The following GABRB3 variants were observed in gnomAD, a reference collection of about 807,000 sequenced individuals.
GABRB3 encodes the protein gamma-aminobutyric acid receptor subunit beta-3.
A neutral mutation model predicts 52.1 loss-of-function variants in GABRB3; 14 were observed. The observed-to-expected ratio is 0.27, with a 90% CI of 0.18 to 0.42. The LOEUF (loss-of-function observed/expected upper bound fraction) is 0.42, where lower values mean the gene tolerates loss of function less well. Among genes scored for constraint, GABRB3 ranks in the 10% least tolerant of loss-of-function variants. GABRB3 has a pLI of 1.00. For missense variants in GABRB3, 307 were observed against 609.1 expected (o/e 0.50, Z 5.22); for synonymous variants, 260 against 232.3 (o/e 1.12, Z -1.08).
At chr15:26,576,850 T>C in intron 6 of GABRB3, among the ~76,000 whole-genome samples, 1 of 152,096 alleles carries the variant, frequency 6.6e-6, no homozygotes, top group East Asian at 1.9e-4. Context: ...GATGTACAGA[T>C]AAACCAGACG....
intron 3 of GABRB3, among the ~76,000 whole-genome samples, chr15:26,737,746 T>C (rs373672065): frequency 1.3e-5 from 2 of 152,164 alleles, no homozygotes; most frequent in Admixed American, 1.3e-4. Flanking sequence ...CCAGTTCTTA[T>C]ATATACACAC....
chr15:26,644,830 A>G (rs1893306358), intron 3 of GABRB3, among the ~76,000 whole-genome samples: 1 of 152,238 alleles, frequency 6.6e-6, no homozygotes, highest in Non-Finnish European at 1.5e-5. Flanking sequence ...GTGGGTCCAC[A>G]TGAGAACAGT....
At chr15:26,727,534 T>C (rs897998375) in intron 3 of GABRB3, among the ~76,000 whole-genome samples, 6 of 152,160 alleles carry the variant, frequency 3.9e-5, no homozygotes, top group Non-Finnish European at 7.3e-5. Context: ...TGATACTAAA[T>C]GCTCACCTAA....
intron 3 of GABRB3, among the ~76,000 whole-genome samples, chr15:26,768,596 A>T (rs1891059652): frequency 6.6e-6 from 1 of 152,174 alleles, no homozygotes; most frequent in Non-Finnish European, 1.5e-5. Context: ...TAAGCACCAA[A>T]ATTATAACAC....
intron 3 of GABRB3, among the ~76,000 whole-genome samples, chr15:26,730,557 C>T (rs2053481434): frequency 1.3e-5 from 2 of 152,200 alleles, no homozygotes; most frequent in African/African-American, 4.8e-5. Context: ...GAGGCCAGAG[C>T]CCTCAGCCCA....
chr15:26,681,844 T>G (rs1447146591), intron 3 of GABRB3, among the ~76,000 whole-genome samples: 1 of 152,072 alleles, frequency 6.6e-6, no homozygotes, highest in Non-Finnish European at 1.5e-5. Flanking sequence ...TGGTGGCACG[T>G]GCCTCTAGTC....
intron 3 of GABRB3, among the ~76,000 whole-genome samples, chr15:26,687,562 C>G (rs370082159): frequency 1.2e-4 from 18 of 152,190 alleles, no homozygotes; most frequent in East Asian, 7.7e-4. Context: ...CCTCTCTTCC[C>G]TTTTCCCTCT....
At chr15:26,736,532 G>A (rs908829440) in intron 3 of GABRB3, among the ~76,000 whole-genome samples, 5 of 152,208 alleles carry the variant, frequency 3.3e-5, no homozygotes, top group Admixed American at 1.3e-4. Context: ...ACTTCAATCC[G>A]GAGTTTGAGG....
intron 7 of GABRB3, among the ~76,000 whole-genome samples, chr15:26,563,676 AC>A (rs1306787664): frequency 1.3e-5 from 2 of 152,232 alleles, no homozygotes; most frequent in African/African-American, 4.8e-5. Context: ...TATCATCATT[AC>A]AGAAAAATCA....
intron 4 of GABRB3, among the ~76,000 whole-genome samples, chr15:26,592,522 T>C (rs975236860): frequency 6.6e-6 from 1 of 152,160 alleles, no homozygotes; most frequent in Non-Finnish European, 1.5e-5. Context: ...ATGGCCTCTT[T>C]TCAAGAAGAA....
intron 4 of GABRB3, among the ~76,000 whole-genome samples, chr15:26,587,039 A>G (rs1345151177): frequency 6.6e-6 from 1 of 152,140 alleles, no homozygotes. Flanking sequence ...GTAAACTTCA[A>G]ATGTTCTTGC....
intron 3 of GABRB3, among the ~76,000 whole-genome samples, chr15:26,651,271 G>T (rs377347259): frequency 1.1e-4 from 16 of 152,206 alleles, no homozygotes; most frequent in Admixed American, 3.9e-4. Flanking sequence ...TCCCTCACCC[G>T]CTTGTTCACA....
At chr15:26,580,190 T>C (rs1245611169) in intron 6 of GABRB3, 129 bp downstream of exon 6, 1 of 1,076,414 alleles carries the variant, frequency 9.3e-7, no homozygotes, top group Non-Finnish European at 1.4e-6. Flanking sequence ...GTGTGTGTGA[T>C]GTGTGAATGA....
intron 3 of GABRB3, among the ~76,000 whole-genome samples, chr15:26,757,927 A>G (rs1207298024): frequency 2.6e-5 from 4 of 152,196 alleles, no homozygotes; most frequent in Non-Finnish European, 5.9e-5. Context: ...TTTGCCATAC[A>G]TATTCACAAA....
intron 3 of GABRB3, among the ~76,000 whole-genome samples, chr15:26,724,678 C>T (rs752331711): frequency 6.6e-6 from 1 of 152,180 alleles, no homozygotes; most frequent in Non-Finnish European, 1.5e-5. Context: ...GATAACACCA[C>T]AGATTGTTAA....
intron 4 of GABRB3, among the ~76,000 whole-genome samples, chr15:26,610,856 C>G (rs1018994428): frequency 2.0e-5 from 3 of 152,170 alleles, no homozygotes; most frequent in African/African-American, 7.2e-5. Flanking sequence ...TGTCAGCATA[C>G]ATTTTTGTCT....
intron 3 of GABRB3, among the ~76,000 whole-genome samples, chr15:26,651,531 AT>A (rs1477023930): frequency 6.6e-6 from 1 of 152,228 alleles, no homozygotes; most frequent in African/African-American, 2.4e-5. Flanking sequence ...CTGAGGAAAA[AT>A]CCGTGGTTAG....
chr15:26,717,794 A>G (rs1374462069), intron 3 of GABRB3, among the ~76,000 whole-genome samples: 1 of 152,184 alleles, frequency 6.6e-6, no homozygotes, highest in Admixed American at 6.5e-5. Context: ...TCGTCTTGTC[A>G]GTCTGGTATT....
chr15:26,675,337 T>C (rs1213709667), intron 3 of GABRB3, among the ~76,000 whole-genome samples: 2 of 152,154 alleles, frequency 1.3e-5, no homozygotes, highest in Non-Finnish European at 2.9e-5. Flanking sequence ...TCTGTTCATT[T>C]CACATCCACA....
Sources: gnomAD v4.1 joint callset for allele counts (sites outside exome capture counted in the v4.1 genomes callset) on GRCh38, gnomAD v4.1.1 for gene constraint, MANE v1.5 for transcripts, NCBI Gene and HGNC (gene_info 2026-07-23, HGNC 2026-07-21) for gene names.